Variants in PTPRJ observed in about 807,000 individuals in gnomAD.
PTPRJ encodes the protein receptor-type tyrosine-protein phosphatase eta.
In PTPRJ, 129 loss-of-function variants were observed where a neutral mutation model predicts 141.3. The observed-to-expected ratio is 0.91, with a 90% CI of 0.79 to 1.06. The LOEUF (loss-of-function observed/expected upper bound fraction) is 1.06, where lower values mean the gene tolerates loss of function less well. PTPRJ is among the 50% of genes least tolerant of loss of function. The pLI is 0.00. For missense variants in PTPRJ, 1,601 were observed against 1,679.7 expected, an observed-to-expected ratio of 0.95 and a Z score of 0.82; for synonymous variants, 610 against 640.5, an observed-to-expected ratio of 0.95 and a Z score of 0.72.
chr11:47,983,542 C>T (rs748186168), intron 1 of PTPRJ, among the ~76,000 whole-genome samples: 7 of 152,158 alleles, frequency 4.6e-5, no homozygotes, highest in East Asian at 1.9e-4. Flanking sequence ...TTAGTAGGCC[C>T]GGAAAAGCAA....
rs1180216204 is a variant in PTPRJ at position 47,984,334 on chromosome 11, C to T, written c.96+3326C>T. Among the ~76,000 whole-genome samples the T allele has an allele frequency of 3.3e-5, 5 of 152,282 alleles. No individual in the cohort carries two copies. The East Asian group carries it at 7.7e-4, about 23-fold the overall frequency. Reference sequence around the variant, plus strand: ...GGCCTGGGTGTAGCCAGAGGATCATCAGTAATTACTTCTCAGTTCATTCAC... The same window carrying T: ...GGCCTGGGTGTAGCCAGAGGATCATTAGTAATTACTTCTCAGTTCATTCAC... On this transcript the variant is annotated intron_variant, in intron 1 of 24. Coordinates refer to ENST00000418331, the MANE Select transcript of PTPRJ (RefSeq NM_002843.4).
chr11:47,983,154 A>T (rs1342910537), intron 1 of PTPRJ, among the ~76,000 whole-genome samples: 1 of 151,992 alleles, frequency 6.6e-6, no homozygotes, highest in Non-Finnish European at 1.5e-5. Flanking sequence ...AACCTGGGTC[A>T]CCGGCCTGGG....
At chr11:48,046,620 G>C (rs1854405330) in intron 1 of PTPRJ, among the ~76,000 whole-genome samples, 1 of 152,088 alleles carries the variant, frequency 6.6e-6, no homozygotes, top group Admixed American at 6.6e-5. Flanking sequence ...GTTGTGGGGA[G>C]AGGGTGATGA....
At chr11:48,128,793 T>A (rs1856902039) in intron 7 of PTPRJ, among the ~76,000 whole-genome samples, 2 of 152,154 alleles carry the variant, frequency 1.3e-5, no homozygotes, top group South Asian at 4.1e-4. Flanking sequence ...AGAGCAGGAC[T>A]TGAACTCAGG....
chr11:48,111,676 A>G (rs1005445105), intron 2 of PTPRJ, among the ~76,000 whole-genome samples: 1 of 152,284 alleles, frequency 6.6e-6, no homozygotes, highest in Non-Finnish European at 1.5e-5. Context: ...CGTAGGTAGT[A>G]GAATTGCGGG....
intron 1 of PTPRJ, among the ~76,000 whole-genome samples, chr11:48,026,087 C>G (rs1473786519): frequency 6.6e-6 from 1 of 152,192 alleles, no homozygotes; most frequent in East Asian, 1.9e-4. Flanking sequence ...AGCACTCACC[C>G]TGCATCTCCA....
intron 19 of PTPRJ, among the ~76,000 whole-genome samples, chr11:48,155,490 G>A (rs991890800): frequency 6.6e-6 from 1 of 152,160 alleles, no homozygotes; most frequent in East Asian, 1.9e-4. Flanking sequence ...AATAGTAACA[G>A]GTTCATTTTA....
chr11:48,130,865 A>G (rs895306890), intron 8 of PTPRJ, 149 bp downstream of exon 8: 5 of 886,990 alleles, frequency 5.6e-6, no homozygotes, highest in Non-Finnish European at 8.0e-6. Flanking sequence ...CTTATTTATT[A>G]TATGAAATAC....
intron 1 of PTPRJ, among the ~76,000 whole-genome samples, chr11:48,050,841 G>T (rs1251028366): frequency 6.6e-6 from 1 of 152,024 alleles, no homozygotes; most frequent in East Asian, 1.9e-4. Context: ...TACTTTTTCA[G>T]CAACACATGT....
intron 1 of PTPRJ, among the ~76,000 whole-genome samples, chr11:48,038,363 A>G (rs963790068): frequency 6.6e-6 from 1 of 152,198 alleles, no homozygotes; most frequent in Non-Finnish European, 1.5e-5. Context: ...CATGAGACAC[A>G]GAATCTGCGT....
chr11:48,057,980 C>A (rs747739117), intron 1 of PTPRJ, among the ~76,000 whole-genome samples: 1 of 151,724 alleles, frequency 6.6e-6, no homozygotes, highest in African/African-American at 2.4e-5. Context: ...GGCACGATCT[C>A]GGCTCGCTGC....
intron 9 of PTPRJ, among the ~76,000 whole-genome samples, chr11:48,136,744 T>C (rs1167471317): frequency 6.6e-6 from 1 of 152,200 alleles, no homozygotes; most frequent in African/African-American, 2.4e-5. Context: ...AAAAACAGAT[T>C]AGAAATTAAA....
chr11:48,106,830 G>A lies in PTPRJ; in HGVS notation c.97-3228G>A, dbSNP rs542393460. Among the ~76,000 whole-genome samples, 169 of 140,112 alleles carry A rather than the reference G, an allele frequency of 1.2e-3. 2 individuals carry two copies. Among genetic ancestry groups the A allele is most frequent in the South Asian group, 7.2e-3 (31 of 4,316 alleles). 91.9% of individuals were successfully genotyped at this position (140,112 alleles called of 152,430 possible). On this transcript the variant is annotated intron_variant, in intron 1 of 24. Transcript: ENST00000418331. ...GTTGCCCAGGCTGGAGTGCAGTGGC[G>A]CGATCTCAGCTCACTGCAACCTCCG...
chr11:48,091,220 T>C (rs1855859319), intron 1 of PTPRJ, among the ~76,000 whole-genome samples: 1 of 152,138 alleles, frequency 6.6e-6, no homozygotes. Flanking sequence ...TCCCTTCCTA[T>C]GTTTGCATCT....
At chr11:48,000,089 C>G (rs938860331) in intron 1 of PTPRJ, among the ~76,000 whole-genome samples, 1 of 151,390 alleles carries the variant, frequency 6.6e-6, no homozygotes, top group African/African-American at 2.4e-5. Context: ...GCCCTCCTCA[C>G]CTCAGCTGAT....
At chr11:48,115,252 A>G (rs187024136) in intron 3 of PTPRJ, among the ~76,000 whole-genome samples, 1 of 152,366 alleles carries the variant, frequency 6.6e-6, no homozygotes, top group African/African-American at 2.4e-5. Context: ...ACTCCAGAAC[A>G]TAATCACACT....
chr11:48,156,429 T>G (rs954237077), intron 21 of PTPRJ, among the ~76,000 whole-genome samples: 2 of 152,176 alleles, frequency 1.3e-5, no homozygotes, highest in African/African-American at 2.4e-5. Context: ...ACGGTGTGGC[T>G]CTGTTCTTCA....
chr11:48,131,051 C>CATATAT (rs1260358599), intron 8 of PTPRJ, among the ~76,000 whole-genome samples: 69 of 112,090 alleles, frequency 6.2e-4, no homozygotes, highest in African/African-American at 2.6e-3. Context: ...CACACACACA[C>CATATAT]ATATATATAT....
intron 1 of PTPRJ, among the ~76,000 whole-genome samples, chr11:48,080,388 G>C (rs1329436904): frequency 6.6e-6 from 1 of 152,218 alleles, no homozygotes; most frequent in Admixed American, 6.5e-5. Flanking sequence ...CAAGTGTGAA[G>C]AGTGAGGCTT....
Sources: allele counts gnomAD v4.1 joint callset (sites outside exome capture counted in the v4.1 genomes callset), GRCh38; gene constraint gnomAD v4.1.1; transcripts MANE v1.5; gene names NCBI Gene and HGNC (gene_info 2026-07-23, HGNC 2026-07-21).